PLPP1: variants seen among roughly 807,000 people sequenced by gnomAD.
PLPP1 encodes the protein phospholipid phosphatase 1.
A neutral mutation model predicts 31.2 loss-of-function variants in PLPP1; 24 were observed. The observed-to-expected ratio is 0.77, with a 90% CI of 0.56 to 1.08. The LOEUF is 1.08. PLPP1 is among the 50% of genes least tolerant of loss of function. PLPP1 has a pLI of 0.00. For synonymous variants in PLPP1, 146 were observed against 126.3 expected (o/e 1.16, Z -1.05); for missense variants, 319 against 342.7 (o/e 0.93, Z 0.55).
chr5:55,445,117 C>G (rs141628848), intron 3 of PLPP1, among the ~76,000 whole-genome samples: 4 of 152,180 alleles, frequency 2.6e-5, no homozygotes, highest in Admixed American at 2.6e-4. Flanking sequence ...AGGGCACCCC[C>G]TTCTCAGAGC....
At chr5:55,426,107 G>T in intron 4 of PLPP1, 68 bp from the exon 5 acceptor site, 6 of 1,353,072 alleles carry the variant, frequency 4.4e-6, no homozygotes, top group Non-Finnish European at 6.0e-6. Context: ...ATTAAGGAAG[G>T]GTTGGCATTT....
intron 1 of PLPP1, chr5:55,530,792 A>G (rs1160302654): frequency 6.7e-7 from 1 of 1,493,388 alleles, no homozygotes; most frequent in African/African-American, 1.4e-5. Flanking sequence ...ACGTGCTGAC[A>G]GGGCGCGGTC....
chr5:55,521,391 C>T (rs1378336074), intron 1 of PLPP1, among the ~76,000 whole-genome samples: 1 of 150,036 alleles, frequency 6.7e-6, no homozygotes, highest in African/African-American at 2.5e-5. Flanking sequence ...GTGGTGCACA[C>T]CTGCAGTCCT....
rs557183522 is a variant in PLPP1, at chr5:55,528,657, C to T, written c.58+5915G>A. On this transcript the variant is annotated intron_variant, in intron 1 of 5. Transcript: ENST00000307259. ...TATGGTTTAATACACTGGGCTAAAA[C>T]ATCGCGCCTTTTCCAAAATTAACAT... Among the ~76,000 whole-genome samples the T allele has an allele frequency of 2.6e-5, 4 of 152,324 alleles. No homozygotes were observed. The South Asian group carries it at 8.3e-4, about 32-fold the overall frequency.
chr5:55,502,271 G>T (rs973428300), intron 1 of PLPP1, among the ~76,000 whole-genome samples: 2 of 152,100 alleles, frequency 1.3e-5, no homozygotes, highest in East Asian at 3.9e-4. Flanking sequence ...GGCAGATCAC[G>T]AGGTCAAGAG....
chr5:55,491,860 G>GAAACAAAAAAA (rs1752896913), intron 1 of PLPP1, among the ~76,000 whole-genome samples: 1 of 102,290 alleles, frequency 9.8e-6, no homozygotes, highest in Admixed American at 1.2e-4. Flanking sequence ...TCAATCTCAG[G>GAAACAAAAAAA]AAAAAAAAAA....
At chr5:55,480,234 ACT>A (rs1377094253) in intron 1 of PLPP1, among the ~76,000 whole-genome samples, 5 of 151,904 alleles carry the variant, frequency 3.3e-5, no homozygotes, top group Non-Finnish European at 5.9e-5. Flanking sequence ...CTTGTCAAAC[ACT>A]GTTTCTTATT....
chr5:55,468,022 T>C lies in PLPP1; in HGVS notation c.338A>G (p.Gln113Arg), dbSNP rs763226802. 5.6e-6 allele frequency: 9 copies of C among 1,614,076 alleles called. No homozygotes were observed. The highest frequency in any genetic ancestry group is 6.8e-6 in the Non-Finnish European group (8 of 1,180,030). Residue 113 changes from glutamine to arginine, a missense_variant, in exon 3 of 6, where the codon CAG becomes CGG. Physicochemically the swap from Gln to Arg is conservative, Grantham distance 43. Transcript: ENST00000307259. ...ATACTTGGCAATGTCAGTCAGGGAC[T>C]GACTAGCAGCTGCACCAAATAAAAA... ...GTFLFGAAASQSLTDIAKYSI... is the reference protein window; with the variant it reads ...GTFLFGAAASRSLTDIAKYSI...
At chr5:55,427,590 C>CTCTT (rs1316972454) in intron 4 of PLPP1, among the ~76,000 whole-genome samples, 2 of 152,138 alleles carry the variant, frequency 1.3e-5, no homozygotes, top group Non-Finnish European at 2.9e-5. Context: ...AAGGTCTTTC[C>CTCTT]TCTTTTAAGA....
rs1460674718 is a variant in PLPP1, at chr5:55,472,654, GAA to G, written c.210+2643_210+2644del. Among the ~76,000 whole-genome samples, 22 of 37,002 alleles carry G rather than the reference GAA, an allele frequency of 5.9e-4. No homozygotes were observed. In the Admixed American group the frequency reaches 6.2e-3, roughly 10 times the overall value. The allele number at this position is 37,002 out of a possible 152,430, so 24.3% of individuals were successfully genotyped here. ...AAAGAGACAGAGAGAGAGAAAGAAA[GAA>G]AGAGAGAGAGAGACAGAAAGAGAGA... On this transcript the variant is annotated intron_variant, in intron 2 of 5. Transcript: ENST00000307259.
intron 1 of PLPP1, among the ~76,000 whole-genome samples, chr5:55,475,748 C>A (rs1257290761): frequency 1.3e-5 from 2 of 152,164 alleles, no homozygotes; most frequent in Non-Finnish European, 1.5e-5. Context: ...TTGGAAAAAT[C>A]TCTTCTCACG....
chr5:55,440,330 G>C (rs115290109), intron 4 of PLPP1, among the ~76,000 whole-genome samples: 331 of 152,298 alleles, frequency 2.2e-3, no homozygotes, highest in African/African-American at 7.6e-3. Flanking sequence ...TCTGGGAAGA[G>C]CTCTCAGGAT....
At chr5:55,434,770 A>G (rs1418706498) in intron 4 of PLPP1, among the ~76,000 whole-genome samples, 1 of 152,232 alleles carries the variant, frequency 6.6e-6, no homozygotes, top group African/African-American at 2.4e-5. Flanking sequence ...GTTGGATTAC[A>G]GACTTAAATG....
intron 1 of PLPP1, among the ~76,000 whole-genome samples, chr5:55,516,080 A>C (rs1753549784): frequency 6.6e-6 from 1 of 152,152 alleles, no homozygotes; most frequent in South Asian, 2.1e-4. Context: ...ACATCTGTTC[A>C]ATTATACAAG....
chr5:55,456,314 G>T (rs191102936), intron 3 of PLPP1, among the ~76,000 whole-genome samples: 2 of 152,122 alleles, frequency 1.3e-5, no homozygotes, highest in East Asian at 3.8e-4. Context: ...AGAGAGAATG[G>T]CGGGGAGAAA....
chr5:55,507,412 A>G lies in PLPP1; in HGVS notation c.58+27160T>C, dbSNP rs140327167. Among the ~76,000 whole-genome samples, 1,370 of 152,346 alleles carry G rather than the reference A, an allele frequency of 9.0e-3. 16 individuals carry two copies. Among genetic ancestry groups the G allele is most frequent in the Admixed American group, 0.035 (533 of 15,294 alleles). ...TTGCTCGGAAAAAGTGGCATGAGCC[A>G]TAATCTTGGAAAGAAAAGAGAAAGT... On this transcript the variant is annotated intron_variant, in intron 1 of 5. Transcript: ENST00000307259.
intron 3 of PLPP1, among the ~76,000 whole-genome samples, chr5:55,458,915 A>AAAAAAAAAAAAAAC (rs1561231077): frequency 2.0e-5 from 3 of 149,064 alleles, no homozygotes; most frequent in African/African-American, 7.4e-5. Flanking sequence ...AAAAAAAAAA[A>AAAAAAAAAAAAAAC]ACACATAGCA....
At chr5:55,441,236 A>G (rs1382151874) in intron 4 of PLPP1, among the ~76,000 whole-genome samples, 3 of 152,200 alleles carry the variant, frequency 2.0e-5, no homozygotes, top group Non-Finnish European at 4.4e-5. Context: ...GTAAGGCCTC[A>G]CTGCCAGCTT....
At chr5:55,433,428 G>A (rs1751412002) in intron 4 of PLPP1, among the ~76,000 whole-genome samples, 1 of 140,784 alleles carries the variant, frequency 7.1e-6, no homozygotes. Flanking sequence ...AAAACCTAAA[G>A]ACTCTACCAA....
Sources: allele counts gnomAD v4.1 joint callset (sites outside exome capture counted in the v4.1 genomes callset), GRCh38; gene constraint gnomAD v4.1.1; transcripts MANE v1.5; gene names NCBI Gene and HGNC (gene_info 2026-07-23, HGNC 2026-07-21).